Variants in IGSF11 observed in about 807,000 individuals in gnomAD.
IGSF11 encodes CXADR like 1.
In IGSF11, 22 loss-of-function variants were observed where a neutral mutation model predicts 41.0. The ratio of observed to expected loss-of-function variants is 0.54; its 90% CI spans 0.38 to 0.77. The LOEUF (loss-of-function observed/expected upper bound fraction) is 0.77. Among genes scored for constraint, IGSF11 ranks in the 30% least tolerant of loss-of-function variants. IGSF11 has a pLI of 0.00. For synonymous variants in IGSF11, 219 were observed against 201.3 expected, an observed-to-expected ratio of 1.09 and a Z score of -0.74; for missense variants, 444 against 530.8, an observed-to-expected ratio of 0.84 and a Z score of 1.61.
intron 1 of IGSF11, among the ~76,000 whole-genome samples, chr3:119,005,405 G>C (rs1028415742): frequency 5.3e-5 from 8 of 150,990 alleles, no homozygotes; most frequent in South Asian, 2.1e-4. Flanking sequence ...GATGGGTCTT[G>C]ACTCTTTATC....
chr3:119,097,957 A>ATTTTTTTTTTTTT lies in IGSF11; in HGVS notation c.49+7174_49+7186dup, dbSNP rs377746200. Reference sequence around the variant, plus strand: ...AGGCACATGCCACCACATTCAGCTAATTTTTTTTTTTTTTTTTTTTTTTTT... The same window carrying ATTTTTTTTTTTTT: ...AGGCACATGCCACCACATTCAGCTAATTTTTTTTTTTTTTTTTTTTTTTTTTTTTTTTTTTTTT... On this transcript the variant is annotated intron_variant, in intron 1 of 6. Coordinates refer to the IGSF11 transcript ENST00000354673. Among the ~76,000 whole-genome samples the ATTTTTTTTTTTTT allele has an allele frequency of 2.9e-4, 17 of 58,364 alleles. 4 individuals are homozygous for ATTTTTTTTTTTTT. Among genetic ancestry groups the ATTTTTTTTTTTTT allele is most frequent in the African/African-American group, 6.3e-4 (11 of 17,538 alleles). 38.3% of individuals were successfully genotyped at this position (58,364 alleles called of 152,430 possible). A position where few individuals can be genotyped will look rare whatever the true frequency, so the allele number is the denominator to read the frequency against.
upstream of IGSF11, among the ~76,000 whole-genome samples, chr3:119,039,452 A>C (rs75482039): frequency 0.039 from 5,937 of 152,228 alleles, 182 homozygotes; most frequent in Non-Finnish European, 0.05. Context: ...CTGGGCCCAC[A>C]CAGATAATCC....
intron 1 of IGSF11, among the ~76,000 whole-genome samples, chr3:119,086,114 A>G (rs768664598): frequency 1.3e-5 from 2 of 152,200 alleles, no homozygotes; most frequent in Non-Finnish European, 2.9e-5. Flanking sequence ...TGAAGTGTGA[A>G]TCGGCCTTAT....
intron 3 of IGSF11, 50 bp from the exon 4 acceptor site, chr3:118,926,306 G>GTGT: frequency 7.0e-7 from 1 of 1,428,630 alleles, no homozygotes; most frequent in Non-Finnish European, 9.6e-7. Flanking sequence ...TGTGAGCCAT[G>GTGT]TGATGATGGA....
intron 1 of IGSF11, among the ~76,000 whole-genome samples, chr3:119,133,684 A>T (rs2077516678): frequency 6.6e-6 from 1 of 152,246 alleles, no homozygotes; most frequent in African/African-American, 2.4e-5. Flanking sequence ...TATTCCAATC[A>T]ATAGAAAAAG....
chr3:118,947,327 T>C (rs910908487), intron 1 of IGSF11: 3 of 152,220 alleles, frequency 2.0e-5, no homozygotes, highest in African/African-American at 7.2e-5. Flanking sequence ...TCTGAGGATT[T>C]AGGGATGAAA....
At chr3:119,112,844 G>C (rs1001568436) in intron 1 of IGSF11, 1 of 152,194 alleles carries the variant, frequency 6.6e-6, no homozygotes, top group Admixed American at 6.5e-5. Context: ...CTGAGTCTGG[G>C]TAATTTATAA....
chr3:119,104,100 TATA>T (rs1203557648), intron 1 of IGSF11, among the ~76,000 whole-genome samples: 2 of 152,184 alleles, frequency 1.3e-5, no homozygotes, highest in Non-Finnish European at 2.9e-5. Context: ...TAGAAATTTC[TATA>T]ATAAGGTCAT....
intron 1 of IGSF11, among the ~76,000 whole-genome samples, chr3:119,041,272 C>T (rs1293971350): frequency 6.6e-6 from 1 of 152,054 alleles, no homozygotes; most frequent in African/African-American, 2.4e-5. Flanking sequence ...ATGAGAGAGA[C>T]CTCAAATAAT....
At chr3:119,032,888 T>C (rs1012022035) in intron 1 of IGSF11, among the ~76,000 whole-genome samples, 3 of 152,192 alleles carry the variant, frequency 2.0e-5, no homozygotes, top group East Asian at 3.8e-4. Context: ...CCCCACCAGA[T>C]ACTCAAAAGC....
rs1004695390 is a variant in IGSF11, at chr3:118,901,092, A to C, written c.*1428T>G. On this transcript the variant is annotated 3_prime_UTR_variant, in exon 7 of 7. Coordinates refer to ENST00000393775, the MANE Select transcript of IGSF11 (RefSeq NM_001015887.3). ...CTTATTGAGACATGGGATGAGTATC[A>C]TAAGTAATCTAGGAAACAAATCTGA... 1 of 152,618 alleles carries C rather than the reference A, an allele frequency of 6.6e-6. No individual in the cohort carries two copies. Among genetic ancestry groups the C allele is most frequent in the African/African-American group, 2.4e-5 (1 of 41,466 alleles). The allele number at this position is 152,618 out of a possible 1,614,324, so 9.5% of individuals were successfully genotyped here.
At chr3:119,011,316 C>A (rs1375546815) in intron 1 of IGSF11, among the ~76,000 whole-genome samples, 1 of 151,936 alleles carries the variant, frequency 6.6e-6, no homozygotes, top group Admixed American at 6.6e-5. Context: ...GAAACCAGAG[C>A]CCCCGGATAG....
At chr3:118,972,468 C>T (rs1253459419) in intron 1 of IGSF11, among the ~76,000 whole-genome samples, 1 of 152,164 alleles carries the variant, frequency 6.6e-6, no homozygotes, top group African/African-American at 2.4e-5. Flanking sequence ...ACTGCAGGTT[C>T]CGTAGGGGCA....
chr3:119,115,625 G>T (rs1476982625), intron 1 of IGSF11, among the ~76,000 whole-genome samples: 1 of 151,912 alleles, frequency 6.6e-6, no homozygotes, highest in Admixed American at 6.6e-5. Flanking sequence ...GAGTTGTTTG[G>T]GTCCCTTATA....
chr3:118,975,245 T>A lies in IGSF11; in HGVS notation c.53-44970A>T, dbSNP rs544120788. Reference sequence around the variant, plus strand: ...TTCACAAAGCCAAATATATGTTTTTTAAAATGTTATCCCACCACTTTTCTA... The same window carrying A: ...TTCACAAAGCCAAATATATGTTTTTAAAAATGTTATCCCACCACTTTTCTA... On this transcript the variant is annotated intron_variant, in intron 1 of 6. Transcript: ENST00000393775. 9.8e-5 allele frequency among the ~76,000 whole-genome samples: 15 copies of A among 152,300 alleles called. No homozygotes were observed. The South Asian group carries it at 2.9e-3, about 29-fold the overall frequency.
At chr3:119,058,948 G>T (rs1388767546) in intron 1 of IGSF11, among the ~76,000 whole-genome samples, 1 of 151,880 alleles carries the variant, frequency 6.6e-6, no homozygotes, top group East Asian at 1.9e-4. Flanking sequence ...CACAGGAAGG[G>T]GAACATCACA....
At chr3:119,000,895 C>T (rs1936756065) in intron 1 of IGSF11, among the ~76,000 whole-genome samples, 1 of 152,128 alleles carries the variant, frequency 6.6e-6, no homozygotes, top group Non-Finnish European at 1.5e-5. Context: ...TCTTCAATGG[C>T]CCTTTGTTTC....
intron 1 of IGSF11, among the ~76,000 whole-genome samples, chr3:118,964,721 T>TA (rs1292242942): frequency 2.6e-5 from 4 of 152,178 alleles, no homozygotes; most frequent in African/African-American, 7.2e-5. Context: ...AGGAGAATAT[T>TA]AAAAAAACTC....
rs774823518 is a variant in IGSF11 at position 119,041,263 on chromosome 3, TGAGA to T, written c.49+63877_49+63880del. 2.0e-4 allele frequency among the ~76,000 whole-genome samples: 30 copies of T among 152,294 alleles called. No homozygotes were observed. The East Asian group carries it at 5.4e-3, about 27-fold the overall frequency. The stretch of plus-strand genomic sequence containing the variant: ...CAGTGACACTAATCAAAATTAAAAA[TGAGA>T]GAGACCTCAAATAATATCAGAATAA... On this transcript the variant is annotated intron_variant, in intron 1 of 6. Transcript: ENST00000354673.
Sources: gnomAD v4.1 joint callset for allele counts (sites outside exome capture counted in the v4.1 genomes callset) on GRCh38, gnomAD v4.1.1 for gene constraint, MANE v1.5 for transcripts, NCBI Gene and HGNC (gene_info 2026-07-23, HGNC 2026-07-21) for gene names.